Variants in EIF3H observed in about 807,000 individuals in gnomAD.
EIF3H encodes eukaryotic translation initiation factor 3 subunit H.
EIF3H carries 26 observed loss-of-function variants against 44.2 expected under a neutral mutation model. The ratio of observed to expected loss-of-function variants is 0.59; its 90% CI spans 0.43 to 0.82. The LOEUF (loss-of-function observed/expected upper bound fraction) is 0.82. Among genes scored for constraint, EIF3H ranks in the 40% least tolerant of loss-of-function variants. EIF3H has a pLI of 0.00. For synonymous variants in EIF3H, 166 were observed against 151.9 expected (o/e 1.09, Z -0.68); for missense variants, 359 against 432.8 (o/e 0.83, Z 1.51).
rs1814986996 is a variant in EIF3H, at chr8:116,733,680, A to G, written c.133-7508T>C. 2.0e-5 allele frequency among the ~76,000 whole-genome samples: 3 copies of G among 152,160 alleles called. No individual in the cohort carries two copies. The South Asian group carries it at 6.2e-4, about 31-fold the overall frequency. On this transcript the variant is annotated intron_variant, in intron 1 of 7. Transcript: ENST00000521861. ...TCATGGACCCCCAAAAATCTTATAC[A>G]TTGATATCTGCATATCAGAAATTCA...
Position 116,755,542 on chromosome 8 carries a change from T to C in EIF3H, c.132+124A>G, listed in dbSNP as rs145836157. ...AAGTGAAGATGAAAGAGAAACGTAC[T>C]AGGGAAAAACTTTGGCCCAGCCACA... On this transcript the variant is annotated intron_variant, in intron 1 of 7. Transcript: ENST00000521861. 7.8e-6 allele frequency: 10 copies of C among 1,287,078 alleles called. No individual in the cohort carries two copies. The African/African-American group carries it at 8.9e-5, about 11-fold the overall frequency. 79.7% of individuals were successfully genotyped at this position (1,287,078 alleles called of 1,614,324 possible).
At chr8:116,725,185 A>C (rs1424830016) in intron 2 of EIF3H, among the ~76,000 whole-genome samples, 1 of 152,252 alleles carries the variant, frequency 6.6e-6, no homozygotes, top group Non-Finnish European at 1.5e-5. Flanking sequence ...TCACTCACAA[A>C]ATAATAAATG....
intron 1 of EIF3H, among the ~76,000 whole-genome samples, chr8:116,728,605 G>T (rs908374361): frequency 6.6e-6 from 1 of 152,078 alleles, no homozygotes; most frequent in Non-Finnish European, 1.5e-5. Context: ...GCAGGGAAAA[G>T]AGCTCAAAAT....
At chr8:116,754,251 T>C (rs1255030018) in intron 1 of EIF3H, among the ~76,000 whole-genome samples, 1 of 152,042 alleles carries the variant, frequency 6.6e-6, no homozygotes, top group African/African-American at 2.4e-5. Context: ...GTAGCTGAGA[T>C]TACAGGCGCG....
chr8:116,708,011 C>T (rs77268189), intron 2 of EIF3H, among the ~76,000 whole-genome samples: 4,046 of 152,104 alleles, frequency 0.027, 84 homozygotes, highest in Non-Finnish European at 0.043. Flanking sequence ...GTCCTACTCT[C>T]AAAAAAATAA....
intron 1 of EIF3H, among the ~76,000 whole-genome samples, chr8:116,761,990 C>T (rs1404290176): frequency 6.6e-6 from 1 of 152,174 alleles, no homozygotes; most frequent in Non-Finnish European, 1.5e-5. Context: ...ATTGTTTATA[C>T]TTTCAAGAGA....
intron 1 of EIF3H, 53 bp downstream of exon 1, chr8:116,755,613 G>A: frequency 6.2e-7 from 1 of 1,609,514 alleles, no homozygotes. Flanking sequence ...TGGTGGGACG[G>A]GGCTGGGAAC....
At chr8:116,740,545 T>C (rs1228931626) in intron 1 of EIF3H, among the ~76,000 whole-genome samples, 25 of 152,118 alleles carry the variant, frequency 1.6e-4, no homozygotes, top group Non-Finnish European at 2.9e-5. Flanking sequence ...ACAACTTCTG[T>C]AAGACAGTGA....
chr8:116,646,488 T>A lies in EIF3H; in HGVS notation c.944A>T (p.Asp315Val), dbSNP rs1191681263. ...FKPPQPPARM[D>V]SLLIAGQINT... is the part of the protein sequence containing the mutation. ...AACAATACCTGCAATGAGCAGCGAGTCCATCCTGGCAGGCGGCTGTGGTGG... is the reference window on the plus strand; with the variant it reads ...AACAATACCTGCAATGAGCAGCGAGACCATCCTGGCAGGCGGCTGTGGTGG... The change falls in exon 7 of 8, where the codon GAC (aspartate) becomes GTC (valine). Residue 315 changes from aspartate (D) to valine (V), a missense_variant. Around this residue, in one of 5 missense-constraint regions of EIF3H, gnomAD observed 94 missense variants for 96.0 expected, o/e 0.98. Coordinates refer to ENST00000521861, the MANE Select transcript of EIF3H (RefSeq NM_003756.3). 1 of 1,614,130 alleles carries A rather than the reference T, an allele frequency of 6.2e-7. No individual in the cohort carries two copies. The highest frequency in any genetic ancestry group is 8.5e-7 in the Non-Finnish European group (1 of 1,180,004).
intron 2 of EIF3H, among the ~76,000 whole-genome samples, chr8:116,694,561 T>C (rs1021355239): frequency 6.6e-6 from 1 of 152,232 alleles, no homozygotes; most frequent in African/African-American, 2.4e-5. Flanking sequence ...GCCATACAGA[T>C]TTGTTTTACT....
chr8:116,657,193 C>A, intron 4 of EIF3H, 22 bp downstream of exon 4: 1 of 1,578,042 alleles, frequency 6.3e-7, no homozygotes, highest in South Asian at 1.1e-5. Context: ...CAACCCTTTA[C>A]CAGATGCCCC....
chr8:116,764,741 A>C (rs377730930), intron 1 of EIF3H, among the ~76,000 whole-genome samples: 2 of 151,970 alleles, frequency 1.3e-5, no homozygotes, highest in East Asian at 1.9e-4. Context: ...CTGGTTTCCA[A>C]CTCCTGGGCT....
At chr8:116,712,778 C>T (rs1425382734) in intron 2 of EIF3H, among the ~76,000 whole-genome samples, 1 of 151,962 alleles carries the variant, frequency 6.6e-6, no homozygotes, top group African/African-American at 2.4e-5. Flanking sequence ...ACTGGCATAA[C>T]TAAGATAGCA....
intron 1 of EIF3H, among the ~76,000 whole-genome samples, chr8:116,753,020 C>T (rs948113627): frequency 2.6e-5 from 4 of 151,952 alleles, no homozygotes; most frequent in Admixed American, 1.3e-4. Context: ...AACCAGTATT[C>T]CCTGTATTAA....
At chr8:116,657,592 A>C (rs1813512524) in intron 3 of EIF3H, 1 of 401,732 alleles carries the variant, frequency 2.5e-6, no homozygotes, top group African/African-American at 2.1e-5. Context: ...CTCAGCAAGA[A>C]CTAGTAACCT....
chr8:116,646,381 G>T, intron 7 of EIF3H, 90 bp downstream of exon 7: 1 of 1,567,688 alleles, frequency 6.4e-7, no homozygotes, highest in Non-Finnish European at 8.8e-7. Flanking sequence ...TAGCTTTTAC[G>T]GCATGCTTTT....
At chr8:116,679,584 T>TG (rs1318609011) in intron 2 of EIF3H, among the ~76,000 whole-genome samples, 1 of 16,730 alleles carries the variant, frequency 6.0e-5, no homozygotes, top group African/African-American at 1.7e-4. Context: ...GGGAGGAAGG[T>TG]GGGGGGGTCA....
chr8:116,688,650 A>C (rs1415030944), intron 2 of EIF3H, among the ~76,000 whole-genome samples: 1 of 152,176 alleles, frequency 6.6e-6, no homozygotes. Flanking sequence ...GAGCAACAGG[A>C]ACACTCAGGG....
chr8:116,709,430 T>C (rs1219198168), intron 2 of EIF3H, among the ~76,000 whole-genome samples: 1 of 152,212 alleles, frequency 6.6e-6, no homozygotes, highest in African/African-American at 2.4e-5. Flanking sequence ...AGATAACAGA[T>C]GACTCATGGT....
Sources: allele counts gnomAD v4.1 joint callset (sites outside exome capture counted in the v4.1 genomes callset), GRCh38; gene constraint gnomAD v4.1.1; regional missense constraint gnomAD v4.1.1; transcripts MANE v1.5; gene names NCBI Gene and HGNC (gene_info 2026-07-23, HGNC 2026-07-21).